PRR16: variants seen among roughly 807,000 people sequenced by gnomAD.
PRR16 encodes the protein protein Largen.
Under a neutral mutation model 18.2 loss-of-function variants are expected in PRR16, and 6 were observed. The observed-to-expected ratio is 0.33, with a 90% CI of 0.18 to 0.65. The LOEUF (loss-of-function observed/expected upper bound fraction) is 0.65. Among genes scored for constraint, PRR16 ranks in the 30% least tolerant of loss-of-function variants. The pLI, the probability that PRR16 is intolerant of heterozygous loss-of-function variation, is 0.74. For synonymous variants in PRR16, 151 were observed against 147.8 expected (o/e 1.02, Z -0.16); for missense variants, 412 against 376.6 (o/e 1.09, Z -0.78).
chr5:120,523,768 T>C (rs1466589952), intron 1 of PRR16, among the ~76,000 whole-genome samples: 1 of 144,342 alleles, frequency 6.9e-6, no homozygotes, highest in Non-Finnish European at 1.5e-5. Context: ...ATTTTCAGAG[T>C]GAGTGTGTAT....
chr5:120,709,570 A>G, the PRR16 span, among the ~76,000 whole-genome samples: 1 of 152,098 alleles, frequency 6.6e-6, no homozygotes, highest in Non-Finnish European at 1.5e-5. Context: ...TCTACCAAAC[A>G]CTAGATCTTA....
intron 1 of PRR16, chr5:120,618,473 T>G (rs1360263027): frequency 2.1e-6 from 2 of 970,018 alleles, no homozygotes; most frequent in African/African-American, 3.5e-5. Flanking sequence ...AATCAAGTCT[T>G]CATTTTAATG....
chr5:120,773,515 G>A, the PRR16 span, among the ~76,000 whole-genome samples: 1 of 152,118 alleles, frequency 6.6e-6, no homozygotes. Context: ...GTTTCCAGAA[G>A]CTGCCACTCA....
At chr5:120,698,857 T>C in the PRR16 span, among the ~76,000 whole-genome samples, 1 of 152,096 alleles carries the variant, frequency 6.6e-6, no homozygotes, top group Non-Finnish European at 1.5e-5. Flanking sequence ...TATAAAGTTT[T>C]CACTGAATAC....
Position 120,667,838 on chromosome 5 carries a change from G to C in PRR16, c.160-18116G>C, listed in dbSNP as rs544887715. Among the ~76,000 whole-genome samples the C allele has an allele frequency of 3.5e-4, 54 of 152,160 alleles. 1 individual carries two copies. The East Asian group carries it at 5.6e-3, about 16-fold the overall frequency. The stretch of plus-strand genomic sequence containing the variant: ...TGAGAGACCGTTTGTTATAATCTCT[G>C]TTCTTTTACATTTGCTGAGGAGAGC... On this transcript the variant is annotated intron_variant, in intron 1 of 1. Coordinates refer to ENST00000407149, the MANE Select transcript of PRR16 (RefSeq NM_001300783.2).
At chr5:120,704,783 G>A in the PRR16 span, among the ~76,000 whole-genome samples, 1 of 152,056 alleles carries the variant, frequency 6.6e-6, no homozygotes, top group Admixed American at 6.6e-5. Flanking sequence ...ACAATACAGA[G>A]AATGGCACAT....
chr5:120,593,172 A>G (rs976487542), intron 1 of PRR16, among the ~76,000 whole-genome samples: 1 of 152,092 alleles, frequency 6.6e-6, no homozygotes, highest in African/African-American at 2.4e-5. Context: ...ATAAGAGCTG[A>G]ACTGAAGGAG....
chr5:120,612,837 A>G (rs1012065761), intron 1 of PRR16, among the ~76,000 whole-genome samples: 17 of 152,310 alleles, frequency 1.1e-4, no homozygotes, highest in African/African-American at 3.4e-4. Context: ...TATGTATATA[A>G]TATTACTTGC....
chr5:120,632,422 G>A (rs556866446), intron 1 of PRR16, among the ~76,000 whole-genome samples: 65 of 152,072 alleles, frequency 4.3e-4, no homozygotes, highest in African/African-American at 1.6e-3. Flanking sequence ...GTCAATTATT[G>A]AGCTAATCCA....
chr5:120,698,518 C>CTGGCAGTGT, the PRR16 span, among the ~76,000 whole-genome samples: 4 of 134,866 alleles, frequency 3.0e-5, no homozygotes, highest in Admixed American at 7.3e-5. Context: ...ACAGTGTAAA[C>CTGGCAGTGT]AAGAGCAGGG....
chr5:120,709,348 A>G, the PRR16 span, among the ~76,000 whole-genome samples: 1 of 152,068 alleles, frequency 6.6e-6, no homozygotes, highest in East Asian at 1.9e-4. Flanking sequence ...GTTATTTTTT[A>G]AAAACAATTA....
intron 1 of PRR16, among the ~76,000 whole-genome samples, chr5:120,596,445 A>G (rs1753816847): frequency 6.6e-6 from 1 of 151,748 alleles, no homozygotes; most frequent in Admixed American, 6.6e-5. Flanking sequence ...ACTTCTATGT[A>G]TTTGGGGCCA....
At chr5:120,661,376 T>A (rs1756167963) in intron 1 of PRR16, among the ~76,000 whole-genome samples, 1 of 152,084 alleles carries the variant, frequency 6.6e-6, no homozygotes, top group Admixed American at 6.6e-5. Flanking sequence ...TTTGCTTGGT[T>A]CCATTGAAGT....
the PRR16 span, among the ~76,000 whole-genome samples, chr5:120,766,585 C>T: frequency 6.6e-6 from 1 of 151,878 alleles, no homozygotes; most frequent in Non-Finnish European, 1.5e-5. Flanking sequence ...TTTAATTAAT[C>T]AGCTTAATTC....
the PRR16 span, among the ~76,000 whole-genome samples, chr5:120,748,980 CCTG>C: frequency 1.3e-5 from 2 of 152,158 alleles, no homozygotes; most frequent in Middle Eastern, 3.4e-3. Flanking sequence ...CAATTTTACT[CCTG>C]CTGAAAAAAA....
intron 1 of PRR16, among the ~76,000 whole-genome samples, chr5:120,612,105 C>T (rs1459756612): frequency 6.6e-6 from 1 of 152,134 alleles, no homozygotes; most frequent in Admixed American, 6.5e-5. Context: ...CCCTGTAACC[C>T]CTTTGTTTTG....
intron 1 of PRR16, among the ~76,000 whole-genome samples, chr5:120,490,662 A>T (rs958056649): frequency 6.6e-6 from 1 of 152,170 alleles, no homozygotes; most frequent in Non-Finnish European, 1.5e-5. Flanking sequence ...TGTCAAAGTC[A>T]TTCTCTGTGC....
chr5:120,647,107 T>C (rs28657882), intron 1 of PRR16, among the ~76,000 whole-genome samples: 8,810 of 152,004 alleles, frequency 0.058, 311 homozygotes, highest in South Asian at 0.083. Context: ...AGTAAATTAT[T>C]AATGATTTAT....
the PRR16 span, among the ~76,000 whole-genome samples, chr5:120,749,340 ATTGTT>A: frequency 2.6e-5 from 4 of 152,106 alleles, no homozygotes; most frequent in African/African-American, 9.7e-5. Flanking sequence ...GTAAGACAAA[ATTGTT>A]ATGTTAGGAG....
Sources: allele counts gnomAD v4.1 joint callset (sites outside exome capture counted in the v4.1 genomes callset), GRCh38; gene constraint gnomAD v4.1.1; transcripts MANE v1.5; gene names NCBI Gene and HGNC (gene_info 2026-07-23, HGNC 2026-07-21).